SNRPA1: variants seen among roughly 807,000 people sequenced by gnomAD.
SNRPA1 encodes the protein U2 small nuclear ribonucleoprotein A'.
In SNRPA1, 5 loss-of-function variants were observed where a neutral mutation model predicts 32.3. The ratio of observed to expected loss-of-function variants is 0.15; its 90% CI spans 0.08 to 0.33. The LOEUF is 0.33. SNRPA1 is among the 10% of genes least tolerant of loss of function. SNRPA1 has a pLI of 1.00. For missense variants in SNRPA1, 198 were observed against 311.1 expected, an observed-to-expected ratio of 0.64 and a Z score of 2.74; for synonymous variants, 111 against 120.1, an observed-to-expected ratio of 0.92 and a Z score of 0.50.
At chr15:101,283,086 G>C (rs2039414827) in intron 8 of SNRPA1, among the ~76,000 whole-genome samples, 4 of 152,178 alleles carry the variant, frequency 2.6e-5, no homozygotes, top group South Asian at 2.1e-4. Context: ...ACACTCTTAA[G>C]TGAAACTGGT....
chr15:101,283,994 C>T (rs1165580820), intron 8 of SNRPA1, among the ~76,000 whole-genome samples: 2 of 152,230 alleles, frequency 1.3e-5, no homozygotes, highest in East Asian at 1.9e-4. Flanking sequence ...AACATTATTT[C>T]CCTAGGAAAC....
In SNRPA1 at chr15:101,293,136, G is replaced by A. The variant is rs749503765; in HGVS notation, c.119C>T (p.Thr40Met). Residue 40 changes from threonine (T) to methionine (M), a missense_variant, in exon 2 of 9, where the codon ACG (threonine) becomes ATG (methionine). By Grantham distance (81) the Thr-to-Met change is moderately conservative. This residue lies in a region of SNRPA1 where 119 missense variants were observed against 171.6 expected (regional missense o/e 0.69). Transcript: ENST00000254193. Reference protein sequence around the residue: ...KIPVIENLGATLDQFDAIDFS... With the variant: ...KIPVIENLGAMLDQFDAIDFS... The stretch of plus-strand genomic sequence containing the variant: ...ATCAATAGCATCAAACTGGTCTAAC[G>A]TAGCACCTAGATTTTCAATGACGGG... 4.3e-6 allele frequency: 7 copies of A among 1,609,510 alleles called. No homozygotes were observed. The South Asian group carries it at 6.6e-5, about 15-fold the overall frequency.
intron 1 of SNRPA1, among the ~76,000 whole-genome samples, chr15:101,293,978 A>G (rs1182254661): frequency 3.3e-5 from 5 of 152,244 alleles, no homozygotes; most frequent in African/African-American, 1.2e-4. Flanking sequence ...TCAAGCCTGT[A>G]ATCCCAGCAC....
intron 3 of SNRPA1, among the ~76,000 whole-genome samples, chr15:101,291,194 T>A (rs1313387924): frequency 6.6e-6 from 1 of 152,226 alleles, no homozygotes; most frequent in Non-Finnish European, 1.5e-5. Flanking sequence ...AATATAAATT[T>A]AAGCATCCAG....
At chr15:101,282,721 T>A (rs1378592630) in intron 8 of SNRPA1, among the ~76,000 whole-genome samples, 1 of 152,204 alleles carries the variant, frequency 6.6e-6, no homozygotes, top group Admixed American at 6.5e-5. Context: ...TAATTACACA[T>A]CAAAAATGTC....
At chr15:101,289,658 G>A (rs189163919) in intron 3 of SNRPA1, among the ~76,000 whole-genome samples, 6 of 152,092 alleles carry the variant, frequency 3.9e-5, no homozygotes, top group African/African-American at 9.6e-5. Context: ...AGAGCTGGGC[G>A]CGGTGACTCA....
At chr15:101,286,354 T>TGTGGTA in intron 5 of SNRPA1, 61 bp from the exon 6 acceptor site, 1 of 1,482,572 alleles carries the variant, frequency 6.7e-7, no homozygotes, top group Non-Finnish European at 9.4e-7. Context: ...TTTAGATGCA[T>TGTGGTA]TCCTCAGAAG....
intron 3 of SNRPA1, chr15:101,287,984 T>C: frequency 2.6e-6 from 1 of 387,020 alleles, no homozygotes; most frequent in Non-Finnish European, 4.9e-6. Flanking sequence ...GAGCCATGAT[T>C]TGGAAAAGAA....
At chr15:101,282,187 A>G (rs998100315) in intron 8 of SNRPA1, among the ~76,000 whole-genome samples, 1 of 152,268 alleles carries the variant, frequency 6.6e-6, no homozygotes, top group Non-Finnish European at 1.5e-5. Context: ...TATTGTCTCT[A>G]AATTAGGGAA....
intron 3 of SNRPA1, 39 bp from the exon 4 acceptor site, chr15:101,287,741 C>T (rs780752017): frequency 1.9e-6 from 3 of 1,588,780 alleles, no homozygotes; most frequent in South Asian, 1.1e-5. Context: ...GCGAATACCA[C>T]ACGCTATTTT....
rs1266856603 is a variant in SNRPA1, at chr15:101,292,056, A to G, written c.231-16T>C. The G allele has an allele frequency of 6.4e-7, 1 of 1,571,880 alleles. No homozygotes were observed. The highest frequency in any genetic ancestry group is 8.8e-7 in the Non-Finnish European group (1 of 1,142,378). Reference sequence around the variant, plus strand: ...ACCTATACGGCTAAAATAAAAATAGAGTCTTAGTAAAAGTGAAAATTAAAT... The same window carrying G: ...ACCTATACGGCTAAAATAAAAATAGGGTCTTAGTAAAAGTGAAAATTAAAT... On this transcript the variant is annotated splice_polypyrimidine_tract_variant and intron_variant, in intron 2 of 8. Coordinates refer to ENST00000254193, the MANE Select transcript of SNRPA1 (RefSeq NM_003090.4).
chr15:101,289,314 A>C (rs1475448541), intron 3 of SNRPA1, among the ~76,000 whole-genome samples: 1 of 152,248 alleles, frequency 6.6e-6, no homozygotes, highest in Non-Finnish European at 1.5e-5. Context: ...AAGGTGTCAA[A>C]GTTTAAAATT....
chr15:101,286,308 C>T lies in SNRPA1; in HGVS notation c.460-15G>A, dbSNP rs1285366842. ...TCCTGACGCTCCTACAGCGACACCA[C>T]ACACAGAGTTAATGGAAATAGGAAT... On this transcript the variant is annotated splice_polypyrimidine_tract_variant and intron_variant, in intron 5 of 8. Coordinates refer to ENST00000254193, the MANE Select transcript of SNRPA1 (RefSeq NM_003090.4). 1.9e-6 allele frequency: 3 copies of T among 1,612,052 alleles called. No homozygotes were observed. In the East Asian group the frequency reaches 6.7e-5, roughly 36 times the overall value.
chr15:101,292,633 G>C (rs1327795165), intron 2 of SNRPA1, among the ~76,000 whole-genome samples: 1 of 150,260 alleles, frequency 6.7e-6, no homozygotes, highest in Non-Finnish European at 1.5e-5. Flanking sequence ...AAGTATAATT[G>C]TTACCTTTAT....
chr15:101,287,453 C>T (rs997509682), intron 4 of SNRPA1, among the ~76,000 whole-genome samples: 2 of 152,042 alleles, frequency 1.3e-5, no homozygotes, highest in East Asian at 1.9e-4. Flanking sequence ...TTTGTCCTTG[C>T]GATAGTTTGC....
chr15:101,288,451 T>C (rs960326660), intron 3 of SNRPA1: 1 of 152,208 alleles, frequency 6.6e-6, no homozygotes, highest in African/African-American at 2.4e-5. Flanking sequence ...GGTTTCACTG[T>C]ATTAGCCACG....
At chr15:101,287,795 C>T in intron 3 of SNRPA1, 93 bp from the exon 4 acceptor site, 1 of 1,118,118 alleles carries the variant, frequency 8.9e-7, no homozygotes, top group Non-Finnish European at 1.3e-6. Context: ...GTTGTCTTTT[C>T]ATTATTTACT....
At chr15:101,284,381 T>C (rs2039431031) in intron 8 of SNRPA1, among the ~76,000 whole-genome samples, 1 of 152,230 alleles carries the variant, frequency 6.6e-6, no homozygotes, top group Non-Finnish European at 1.5e-5. Context: ...CACGCAAATA[T>C]ATATAGGTAA....
chr15:101,291,778 A>G (rs2039529131), intron 3 of SNRPA1, among the ~76,000 whole-genome samples, 184 bp downstream of exon 3: 1 of 152,250 alleles, frequency 6.6e-6, no homozygotes. Context: ...TCAAAAGTCA[A>G]GTAAAAGTAG....
Sources: allele counts gnomAD v4.1 joint callset (sites outside exome capture counted in the v4.1 genomes callset), GRCh38; gene constraint gnomAD v4.1.1; regional missense constraint gnomAD v4.1.1; transcripts MANE v1.5; gene names NCBI Gene and HGNC (gene_info 2026-07-23, HGNC 2026-07-21).